GLIS3: variants seen among roughly 807,000 people sequenced by gnomAD.
GLIS3 encodes zinc finger protein GLIS3.
GLIS3 carries 53 observed loss-of-function variants against 78.6 expected under a neutral mutation model. The ratio of observed to expected loss-of-function variants is 0.67; its 90% CI spans 0.54 to 0.85. GLIS3 has a LOEUF of 0.85. Ranked by LOEUF, GLIS3 falls within the 40% of genes least tolerant of loss-of-function variation. GLIS3 has a pLI of 0.00. For synonymous variants in GLIS3, 684 were observed against 509.9 expected (o/e 1.34, Z -4.60); for missense variants, 1,703 against 1,231.1 (o/e 1.38, Z -5.74).
rs1176595684 is a variant in GLIS3 at position 3,890,550 on chromosome 9, A to T, written c.2128+8141T>A. 3.9e-5 allele frequency among the ~76,000 whole-genome samples: 6 copies of T among 152,294 alleles called. No homozygotes were observed. In the East Asian group the frequency reaches 1.2e-3, roughly 29 times the overall value. On this transcript the variant is annotated intron_variant, in intron 7 of 10. Transcript: ENST00000381971. ...CATGAGCATCTGCCAATTGCCGGGG[A>T]GTGTACTAAACTCTTTTATGTTATC...
the GLIS3 span, among the ~76,000 whole-genome samples, chr9:4,480,503 G>C: frequency 8.3e-3 from 1,266 of 152,056 alleles, 21 homozygotes; most frequent in African/African-American, 0.028. Context: ...GCCCAGCCAA[G>C]CTTTAGATAT....
chr9:4,103,499 T>A (rs1274053109), intron 4 of GLIS3, among the ~76,000 whole-genome samples: 4 of 152,126 alleles, frequency 2.6e-5, no homozygotes, highest in Admixed American at 2.6e-4. Context: ...AACCTTATAA[T>A]CTCACTGTTG....
rs372795635 is a variant in GLIS3 at position 3,879,447 on chromosome 9, A to G, written c.2277T>C (p.Ala759=). Residue 759 remains alanine (A), a synonymous_variant, in exon 8 of 11, where the codon GCT becomes GCC. Transcript: ENST00000381971. The stretch of plus-strand genomic sequence containing the variant: ...CTTACCTCTCAGCTCCTGCGTCCAC[A>G]GCTGTGAGTGGAGGTAACTGGGAGG... ...NPSSQLPPLT[A]VDAGAERFAP... The G allele has an allele frequency of 1.5e-5, 24 of 1,614,090 alleles. No homozygotes were observed. Among genetic ancestry groups the G allele is most frequent in the Non-Finnish European group, 1.9e-5 (23 of 1,179,998 alleles).
chr9:4,421,845 C>G, the GLIS3 span, among the ~76,000 whole-genome samples: 3 of 152,162 alleles, frequency 2.0e-5, no homozygotes, highest in East Asian at 3.8e-4. Context: ...GAATTCTTAA[C>G]CTAGGATTCA....
At chr9:4,259,956 T>C (rs768842233) in intron 2 of GLIS3, among the ~76,000 whole-genome samples, 1 of 152,244 alleles carries the variant, frequency 6.6e-6, no homozygotes, top group Non-Finnish European at 1.5e-5. Context: ...CAGCAGACTT[T>C]GTCTTTGTGT....
At chr9:4,440,915 T>C in the GLIS3 span, among the ~76,000 whole-genome samples, 1 of 152,146 alleles carries the variant, frequency 6.6e-6, no homozygotes, top group African/African-American at 2.4e-5. Context: ...TTGGTAGTTA[T>C]TATAAATAGA....
chr9:4,253,975 C>A (rs1824663961), intron 2 of GLIS3, among the ~76,000 whole-genome samples: 1 of 152,174 alleles, frequency 6.6e-6, no homozygotes, highest in Admixed American at 6.5e-5. Flanking sequence ...AGCCAGGTAC[C>A]TCAGTTGGAA....
chr9:3,830,760 C>A (rs1260964069), intron 9 of GLIS3, among the ~76,000 whole-genome samples: 1 of 152,174 alleles, frequency 6.6e-6, no homozygotes, highest in Non-Finnish European at 1.5e-5. Flanking sequence ...AAGGCTTCAT[C>A]CCTTATTAAA....
the GLIS3 span, among the ~76,000 whole-genome samples, chr9:4,425,678 T>C: frequency 6.6e-6 from 1 of 152,194 alleles, no homozygotes; most frequent in South Asian, 2.1e-4. Context: ...GTAAACCTCC[T>C]GGGACAGAAG....
chr9:4,013,589 A>C (rs1271652313), intron 4 of GLIS3, among the ~76,000 whole-genome samples: 1 of 152,200 alleles, frequency 6.6e-6, no homozygotes, highest in Non-Finnish European at 1.5e-5. Context: ...CTAAGTGTTC[A>C]TTTGGCTTCT....
the GLIS3 span, among the ~76,000 whole-genome samples, chr9:4,377,319 C>T: frequency 1.5e-5 from 2 of 135,410 alleles, no homozygotes; most frequent in Admixed American, 7.4e-5. Context: ...TTTCATCTTT[C>T]TCCCATGCTG....
At chr9:3,832,543 C>G (rs1164116153) in intron 9 of GLIS3, among the ~76,000 whole-genome samples, 1 of 152,132 alleles carries the variant, frequency 6.6e-6, no homozygotes, top group Non-Finnish European at 1.5e-5. Context: ...CTCCAAACAG[C>G]AACATGTCTG....
At chr9:4,138,940 G>A (rs1268703976) in intron 2 of GLIS3, among the ~76,000 whole-genome samples, 3 of 152,302 alleles carry the variant, frequency 2.0e-5, no homozygotes, top group African/African-American at 7.2e-5. Context: ...TGTAAGGAGG[G>A]AGCAAGAAGA....
Position 4,080,230 on chromosome 9 carries a change from C to A in GLIS3, c.1710+37538G>T, listed in dbSNP as rs1224334016. On this transcript the variant is annotated intron_variant, in intron 4 of 10. Coordinates refer to ENST00000381971, the MANE Select transcript of GLIS3 (RefSeq NM_001042413.2). Reference sequence around the variant, plus strand: ...CCCATTTATTTTTCCAGCATTCTTGCATTCGTAAGCATTTCCTGAGCACCC... The same window carrying A: ...CCCATTTATTTTTCCAGCATTCTTGAATTCGTAAGCATTTCCTGAGCACCC... 2.0e-5 allele frequency among the ~76,000 whole-genome samples: 3 copies of A among 152,152 alleles called. No homozygotes were observed. In the East Asian group the frequency reaches 5.8e-4, roughly 29 times the overall value.
chr9:4,045,675 AAAG>A (rs1825191155), intron 4 of GLIS3, among the ~76,000 whole-genome samples: 2 of 152,248 alleles, frequency 1.3e-5, no homozygotes, highest in South Asian at 4.1e-4. Context: ...CAACTTGGAA[AAAG>A]AAGAAGTCCT....
chr9:3,890,869 G>A (rs1027579555), intron 7 of GLIS3, among the ~76,000 whole-genome samples: 1 of 152,148 alleles, frequency 6.6e-6, no homozygotes, highest in Non-Finnish European at 1.5e-5. Context: ...TGCCACCCCA[G>A]TGATGGCTTT....
chr9:4,371,119 G>T, the GLIS3 span, among the ~76,000 whole-genome samples: 1 of 151,948 alleles, frequency 6.6e-6, no homozygotes, highest in Admixed American at 6.5e-5. Flanking sequence ...ATAATTTTTT[G>T]GTTCTTTTTA....
the GLIS3 span, among the ~76,000 whole-genome samples, chr9:4,478,497 G>C: frequency 1.3e-5 from 2 of 151,936 alleles, no homozygotes; most frequent in African/African-American, 2.4e-5. Flanking sequence ...TATAATCCCA[G>C]CTACTCCGGA....
rs1413199045 is a variant in GLIS3 at position 3,932,433 on chromosome 9, C to T, written c.1910G>A (p.Arg637His). Residue 637 changes from arginine (R) to histidine (H), a missense_variant, in exon 6 of 11, where the codon CGC becomes CAC. Coordinates refer to ENST00000381971, the MANE Select transcript of GLIS3 (RefSeq NM_001042413.2). ...YACQIPGCTKRYTDPSSLRKH... is the reference protein window; with the variant it reads ...YACQIPGCTKHYTDPSSLRKH... ...TCTTAGGGAACTTGGGTCTGTGTAG[C>T]GTTTGGTACATCCTGGAATTTGACA... The T allele has an allele frequency of 1.2e-6, 2 of 1,613,640 alleles. No homozygotes were observed. The highest frequency in any genetic ancestry group is 2.2e-5 in the East Asian group (1 of 44,844).
Sources: allele counts gnomAD v4.1 joint callset (sites outside exome capture counted in the v4.1 genomes callset), GRCh38; gene constraint gnomAD v4.1.1; transcripts MANE v1.5; gene names NCBI Gene and HGNC (gene_info 2026-07-23, HGNC 2026-07-21).